TSNARE1: variants seen among roughly 807,000 people sequenced by gnomAD.
TSNARE1 encodes t-SNARE domain-containing protein 1.
In TSNARE1, 49 loss-of-function variants were observed where a neutral mutation model predicts 62.0. The observed-to-expected ratio is 0.79, with a 90% CI of 0.63 to 1.00. The LOEUF is 1.00. Among genes scored for constraint, TSNARE1 ranks in the 50% least tolerant of loss-of-function variants. TSNARE1 has a pLI of 0.00. For synonymous variants in TSNARE1, 328 were observed against 294.4 expected, an observed-to-expected ratio of 1.11 and a Z score of -1.17; for missense variants, 755 against 700.1, an observed-to-expected ratio of 1.08 and a Z score of -0.88.
At chr8:142,351,196 G>A (rs542429394) in intron 2 of TSNARE1, among the ~76,000 whole-genome samples, 22 of 152,240 alleles carry the variant, frequency 1.4e-4, no homozygotes, top group Non-Finnish European at 2.9e-4. Flanking sequence ...ACCAGGGGCT[G>A]TGACGCGTCT....
intron 12 of TSNARE1, chr8:142,270,748 T>G (rs1410403424): frequency 2.5e-5 from 25 of 985,274 alleles, no homozygotes; most frequent in Non-Finnish European, 2.9e-5. Context: ...CCACCTCCCC[T>G]GCTTCCAGGG....
chr8:142,252,772 C>T (rs1467314425), intron 12 of TSNARE1, among the ~76,000 whole-genome samples: 6 of 152,192 alleles, frequency 3.9e-5, no homozygotes, highest in African/African-American at 1.2e-4. Context: ...AGCATGCTGC[C>T]GTGGTGACCT....
intron 6 of TSNARE1, among the ~76,000 whole-genome samples, chr8:142,328,822 G>GCGGA (rs1285187953): frequency 7.9e-6 from 1 of 125,938 alleles, no homozygotes; most frequent in African/African-American, 3.0e-5. Context: ...GGCCTTTGGG[G>GCGGA]GGGGGGAGGG....
chr8:142,352,257 C>T (rs1001231838), intron 2 of TSNARE1, among the ~76,000 whole-genome samples: 4 of 152,240 alleles, frequency 2.6e-5, no homozygotes, highest in Admixed American at 1.3e-4. Context: ...CAGGAAGACC[C>T]ACATGCCCAA....
Position 142,343,374 on chromosome 8 carries a change from G to A in TSNARE1, c.745+592C>T, listed in dbSNP as rs77442058. Reference sequence around the variant, plus strand: ...TCTTTCATGAGTAGCACAAGACGCAGCAGGAGGAACATGAGCACGCGTGGC... The same window carrying A: ...TCTTTCATGAGTAGCACAAGACGCAACAGGAGGAACATGAGCACGCGTGGC... On this transcript the variant is annotated intron_variant, in intron 4 of 13. Transcript: ENST00000524325. Among the ~76,000 whole-genome samples, 1,490 of 152,042 alleles carry A rather than the reference G, an allele frequency of 9.8e-3. 12 individuals are homozygous for A. The highest frequency in any genetic ancestry group is 0.02 in the East Asian group (104 of 5,102).
Position 142,322,103 on chromosome 8 carries a change from C to T in TSNARE1, c.894-3469G>A, listed in dbSNP as rs141969843. Among the ~76,000 whole-genome samples the T allele has an allele frequency of 4.1e-4, 62 of 152,356 alleles. 3 individuals are homozygous for T. Among genetic ancestry groups the T allele is most frequent in the African/African-American group, 1.5e-3 (61 of 41,590 alleles). ...CAAGGTTGGTTCAACATTCAAACAT[C>T]AGTGAGTGTAATTCTCATATCAACA... On this transcript the variant is annotated intron_variant, in intron 6 of 13. Transcript: ENST00000524325.
chr8:142,217,329 AAGAAAGAAAGAAAG>A (rs1229889929), intron 13 of TSNARE1, among the ~76,000 whole-genome samples: 3 of 61,390 alleles, frequency 4.9e-5, no homozygotes, highest in African/African-American at 1.5e-4. Context: ...GAAAGAAAGA[AAGAAAGAAAGAAAG>A]AAAGAAAGAA....
At chr8:142,312,957 G>A (rs946011668) in intron 9 of TSNARE1, among the ~76,000 whole-genome samples, 6 of 152,222 alleles carry the variant, frequency 3.9e-5, no homozygotes, top group Admixed American at 6.5e-5. Flanking sequence ...CAGCTGCTCC[G>A]ATGTTTCCCC....
At chr8:142,325,659 G>A (rs531816562) in intron 6 of TSNARE1, among the ~76,000 whole-genome samples, 2 of 152,108 alleles carry the variant, frequency 1.3e-5, no homozygotes, top group Non-Finnish European at 2.9e-5. Flanking sequence ...AAGTTAGCAG[G>A]AGAGAAGGTG....
chr8:142,282,043 C>T lies in TSNARE1; in HGVS notation c.1363+2370G>A, dbSNP rs1459145501. Among the ~76,000 whole-genome samples the T allele has an allele frequency of 2.6e-5, 4 of 152,202 alleles. No homozygotes were observed. In the South Asian group the frequency reaches 6.2e-4, roughly 24 times the overall value. ...AAGGTAGGACCTGACTCTAGGCACC[C>T]GGGCACCCCTGCTGCTTCACTTCCT... On this transcript the variant is annotated intron_variant, in intron 11 of 13. Coordinates refer to ENST00000524325, the MANE Select transcript of TSNARE1 (RefSeq NM_145003.5).
intron 12 of TSNARE1, among the ~76,000 whole-genome samples, chr8:142,241,263 A>C (rs1445882421): frequency 6.6e-6 from 1 of 152,214 alleles, no homozygotes; most frequent in African/African-American, 2.4e-5. Flanking sequence ...AAACAACCCC[A>C]TTTACAATAG....
Position 142,240,044 on chromosome 8 carries a change from A to C in TSNARE1, c.1447-10465T>G, listed in dbSNP as rs575392884. Reference sequence around the variant, plus strand: ...CAATAATGGATTAAACTCGCCAATGAAAAGACAGGGATTGACACATGGGAT... The same window carrying C: ...CAATAATGGATTAAACTCGCCAATGCAAAGACAGGGATTGACACATGGGAT... On this transcript the variant is annotated intron_variant, in intron 12 of 13. Coordinates refer to ENST00000524325, the MANE Select transcript of TSNARE1 (RefSeq NM_145003.5). Among the ~76,000 whole-genome samples the C allele has an allele frequency of 2.6e-5, 4 of 152,370 alleles. No individual in the cohort carries two copies. In the East Asian group the frequency reaches 7.7e-4, roughly 29 times the overall value.
intron 9 of TSNARE1, among the ~76,000 whole-genome samples, chr8:142,305,012 G>A (rs1314594732): frequency 3.3e-5 from 5 of 152,204 alleles, no homozygotes; most frequent in Non-Finnish European, 5.9e-5. Flanking sequence ...GGGGCAGCCC[G>A]GCTGGTGTGC....
chr8:142,313,679 G>A (rs1828036749), intron 9 of TSNARE1, among the ~76,000 whole-genome samples: 2 of 152,026 alleles, frequency 1.3e-5, no homozygotes, highest in Admixed American at 6.6e-5. Context: ...GTGTCTCTGT[G>A]TGTTTATCTC....
At chr8:142,384,197 T>A (rs1836961112) in intron 1 of TSNARE1, among the ~76,000 whole-genome samples, 1 of 152,092 alleles carries the variant, frequency 6.6e-6, no homozygotes, top group Non-Finnish European at 1.5e-5. Flanking sequence ...GAGAGCCACA[T>A]GTGCAGTCTG....
chr8:142,316,294 G>A (rs1375084184), intron 7 of TSNARE1, among the ~76,000 whole-genome samples: 2 of 151,714 alleles, frequency 1.3e-5, no homozygotes, highest in African/African-American at 2.4e-5. Context: ...GGTCCCCACA[G>A]AGTGGTCCCC....
chr8:142,292,960 C>A (rs1215150145), intron 10 of TSNARE1, among the ~76,000 whole-genome samples: 5 of 152,172 alleles, frequency 3.3e-5, no homozygotes, highest in Admixed American at 6.5e-5. Flanking sequence ...CCCCCACACT[C>A]AGCACATAGA....
chr8:142,242,947 C>CAAAAAAAAAAAAAAAAAAAAAAA (rs35092120), intron 12 of TSNARE1, among the ~76,000 whole-genome samples: 1 of 51,390 alleles, frequency 1.9e-5, no homozygotes, highest in Non-Finnish European at 3.5e-5. Context: ...AACTCTGTCT[C>CAAAAAAAAAAAAAAAAAAAAAAA]AAAAAAAAAA....
chr8:142,261,742 G>A (rs960651536), intron 12 of TSNARE1, among the ~76,000 whole-genome samples: 9 of 152,258 alleles, frequency 5.9e-5, no homozygotes, highest in African/African-American at 1.2e-4. Context: ...CACGAGCTCC[G>A]ACAAGGCAGC....
Sources: allele counts gnomAD v4.1 joint callset (sites outside exome capture counted in the v4.1 genomes callset), GRCh38; gene constraint gnomAD v4.1.1; transcripts MANE v1.5; gene names NCBI Gene and HGNC (gene_info 2026-07-23, HGNC 2026-07-21).